Variants in PIWIL2 observed in about 807,000 individuals in gnomAD.
PIWIL2 encodes the protein piwi-like protein 2.
Under a neutral mutation model 116.5 loss-of-function variants are expected in PIWIL2, and 81 were observed. That is an observed-to-expected ratio of 0.70 (90% CI 0.58 to 0.84). The LOEUF is 0.84. PIWIL2 is among the 40% of genes least tolerant of loss of function. The pLI is 0.00. For synonymous variants in PIWIL2, 489 were observed against 429.5 expected, an observed-to-expected ratio of 1.14 and a Z score of -1.71; for missense variants, 1,272 against 1,212.3, an observed-to-expected ratio of 1.05 and a Z score of -0.73.
In PIWIL2 at chr8:22,355,563, A is replaced by C; in HGVS notation, c.*58A>C. On this transcript the variant is annotated 3_prime_UTR_variant, in exon 23 of 23. Coordinates refer to ENST00000356766, the MANE Select transcript of PIWIL2 (RefSeq NM_018068.5). ...AAGGCGGCCTCAGAACTCAGCTGTG[A>C]CTCTTGCAGAATCAACAGAGACTGA... 4.0e-6 allele frequency: 6 copies of C among 1,504,144 alleles called. No homozygotes were observed. Among genetic ancestry groups the C allele is most frequent in the Non-Finnish European group, 4.6e-6 (5 of 1,092,690 alleles). The allele number at this position is 1,504,144 out of a possible 1,614,324, so 93.2% of individuals were successfully genotyped here.
At chr8:22,316,443 C>A in intron 19 of PIWIL2, 110 bp downstream of exon 19, 1 of 713,190 alleles carries the variant, frequency 1.4e-6, no homozygotes, top group Non-Finnish European at 2.4e-6. Context: ...ATAAAGATTT[C>A]TAAACATTTT....
At position 22,351,159 on chromosome 8, in the gene PIWIL2, A is replaced by T. The variant is rs565207346; in HGVS notation, c.2404-1800A>T. On this transcript the variant is annotated intron_variant, in intron 20 of 22. Transcript: ENST00000356766. Reference sequence around the variant, plus strand: ...GAGCGAGACTCTGTTTCAAAAAAAAATAATTAATTAATTAACTGGCGTAGT... The same window carrying T: ...GAGCGAGACTCTGTTTCAAAAAAAATTAATTAATTAATTAACTGGCGTAGT... Among the ~76,000 whole-genome samples, 22 of 151,634 alleles carry T rather than the reference A, an allele frequency of 1.5e-4. No homozygotes were observed. The South Asian group carries it at 2.9e-3, about 20-fold the overall frequency.
In PIWIL2 at chr8:22,279,368, T is replaced by A. The variant is rs1390581439; in HGVS notation, c.-19T>A. On this transcript the variant is annotated 5_prime_UTR_variant, in exon 2 of 23. Transcript: ENST00000356766. ...AATTAACCAGAACAGGATCGACACG[T>A]GTTCTCTACAGCCCGTCCATGGATC... is the stretch of plus-strand genomic sequence containing the variant. 8.1e-6 allele frequency: 13 copies of A among 1,602,796 alleles called. No homozygotes were observed. The highest frequency in any genetic ancestry group is 1.7e-4 in the Middle Eastern group (1 of 6,030).
At chr8:22,323,945 C>T (rs550108632) in intron 20 of PIWIL2, among the ~76,000 whole-genome samples, 15 of 152,310 alleles carry the variant, frequency 9.8e-5, no homozygotes, top group African/African-American at 3.6e-4. Flanking sequence ...TTGCTCTAAG[C>T]CTCTCCCAAG....
intron 20 of PIWIL2, 169 bp from the exon 21 acceptor site, chr8:22,352,790 G>C: frequency 1.6e-6 from 1 of 618,342 alleles, no homozygotes; most frequent in Non-Finnish European, 2.7e-6. Context: ...AGGAAGTCTA[G>C]AAATGATTAG....
intron 20 of PIWIL2, among the ~76,000 whole-genome samples, chr8:22,345,827 T>C (rs1832214462): frequency 6.6e-6 from 1 of 152,164 alleles, no homozygotes; most frequent in African/African-American, 2.4e-5. Flanking sequence ...TTATGTTTAG[T>C]GAAATTTATT....
intron 20 of PIWIL2, among the ~76,000 whole-genome samples, chr8:22,343,923 A>G (rs1339545705): frequency 1.3e-5 from 2 of 152,216 alleles, no homozygotes; most frequent in Non-Finnish European, 2.9e-5. Context: ...ACGCCCACAC[A>G]AAAACTTGCA....
In PIWIL2 at chr8:22,288,661, C is replaced by T. The variant is rs1830687251; in HGVS notation, c.981C>T (p.Phe327=). 6.2e-7 allele frequency: 1 copy of T among 1,607,466 alleles called. No individual in the cohort carries two copies. The highest frequency in any genetic ancestry group is 1.7e-5 in the Admixed American group (1 of 58,326). The change falls in exon 8 of 23, where the codon TTC becomes TTT. Residue 327 remains phenylalanine, a synonymous_variant. Transcript: ENST00000356766. ...DLCIPFYNVV[F]RRVMKLLDMK... Reference sequence around the variant, plus strand: ...GCATTCCCTTCTACAATGTTGTTTTCCGTCGGTAAGAAAACAGCTGAAGTT... The same window carrying T: ...GCATTCCCTTCTACAATGTTGTTTTTCGTCGGTAAGAAAACAGCTGAAGTT...
Position 22,287,520 on chromosome 8 carries a change from T to G in PIWIL2, c.744-8T>G. On this transcript the variant is annotated splice_polypyrimidine_tract_variant and splice_region_variant and intron_variant, in intron 6 of 22. Transcript: ENST00000356766. The stretch of plus-strand genomic sequence containing the variant: ...AGTTAAAGGAAAATCCTCTTCATTA[T>G]TTTCCAGCCCCAATGTGGAGTGCAA... 1 of 1,589,834 alleles carries G rather than the reference T, an allele frequency of 6.3e-7. No homozygotes were observed. Among genetic ancestry groups the G allele is most frequent in the Non-Finnish European group, 8.6e-7 (1 of 1,157,790 alleles).
At chr8:22,316,774 G>T (rs1831470144) in intron 19 of PIWIL2, among the ~76,000 whole-genome samples, 1 of 151,308 alleles carries the variant, frequency 6.6e-6, no homozygotes, top group Non-Finnish European at 1.5e-5. Flanking sequence ...GAGCCATCAT[G>T]CCCGGCTATG....
intron 18 of PIWIL2, among the ~76,000 whole-genome samples, chr8:22,315,926 T>C (rs922412284): frequency 2.0e-5 from 3 of 152,194 alleles, no homozygotes; most frequent in Non-Finnish European, 2.9e-5. Flanking sequence ...AATCTGAAAC[T>C]CTTTGAGTGT....
chr8:22,283,115 G>T lies in PIWIL2; in HGVS notation c.507G>T (p.Lys169Asn), dbSNP rs1423324959. 1 of 1,614,124 alleles carries T rather than the reference G, an allele frequency of 6.2e-7. No homozygotes were observed. The highest frequency in any genetic ancestry group is 1.7e-5 in the Admixed American group (1 of 60,008). Residue 169 changes from lysine (K) to asparagine (N), a missense_variant, in exon 5 of 23, where the codon AAG (lysine) becomes AAT (asparagine). Physicochemically the swap from Lys to Asn is moderately conservative, Grantham distance 94. Coordinates refer to ENST00000356766, the MANE Select transcript of PIWIL2 (RefSeq NM_018068.5). Reference sequence around the variant, plus strand: ...GTGGTATCAGCAGAGAAGTGGACAAGCCTCCCTGTACCTTCAGCACACCGT... The same window carrying T: ...GTGGTATCAGCAGAGAAGTGGACAATCCTCCCTGTACCTTCAGCACACCGT... ...AAGGISREVD[K>N]PPCTFSTPSR...
At chr8:22,338,838 G>A (rs1247977562) in intron 20 of PIWIL2, among the ~76,000 whole-genome samples, 2 of 151,948 alleles carry the variant, frequency 1.3e-5, no homozygotes, top group Non-Finnish European at 2.9e-5. Flanking sequence ...TTTTGCAGGA[G>A]TGGATAAGCA....
intron 10 of PIWIL2, among the ~76,000 whole-genome samples, chr8:22,292,975 T>C (rs911072460): frequency 1.3e-5 from 2 of 152,364 alleles, no homozygotes; most frequent in Non-Finnish European, 2.9e-5. Context: ...TCCAAGCCAA[T>C]AGCCTCCTGT....
At chr8:22,340,137 C>G (rs1335676070) in intron 20 of PIWIL2, among the ~76,000 whole-genome samples, 1 of 147,964 alleles carries the variant, frequency 6.8e-6, no homozygotes, top group African/African-American at 2.5e-5. Context: ...ACCGCAACCT[C>G]CGCCTCCCGG....
At chr8:22,351,026 A>G (rs1428960706) in intron 20 of PIWIL2, among the ~76,000 whole-genome samples, 1 of 151,986 alleles carries the variant, frequency 6.6e-6, no homozygotes. Flanking sequence ...CTGTAGTCCC[A>G]GCTAGTCCCA....
rs914186926 is a variant in PIWIL2, at chr8:22,349,425, A to G, written c.2404-3534A>G. Among the ~76,000 whole-genome samples the G allele has an allele frequency of 1.6e-4, 23 of 145,574 alleles. 1 individual carries two copies. The highest frequency in any genetic ancestry group is 5.8e-4 in the African/African-American group (23 of 39,712). ...GTACAATATATGTGTGTGTGTATATATATATATATATATATATATAAATTT... is the reference window on the plus strand; with the variant it reads ...GTACAATATATGTGTGTGTGTATATGTATATATATATATATATATAAATTT... On this transcript the variant is annotated intron_variant, in intron 20 of 22. Coordinates refer to ENST00000356766, the MANE Select transcript of PIWIL2 (RefSeq NM_018068.5).
chr8:22,322,290 G>A (rs1355323656), intron 20 of PIWIL2, among the ~76,000 whole-genome samples: 1 of 150,568 alleles, frequency 6.6e-6, no homozygotes, highest in African/African-American at 2.4e-5. Flanking sequence ...TTGCTCTGTT[G>A]CCTGGGCTGG....
Position 22,314,397 on chromosome 8 carries a change from C to T in PIWIL2, c.2059C>T (p.Leu687=). Reference sequence around the variant, plus strand: ...TGATCTCTATGGGGCCATCAAGAAGCTGTGCTGTGTGCAGTCCCCAGTGCC... The same window carrying T: ...TGATCTCTATGGGGCCATCAAGAAGTTGTGCTGTGTGCAGTCCCCAGTGCC... ...RDDLYGAIKK[L]CCVQSPVPSQ... Residue 687 remains leucine, a synonymous_variant, in exon 17 of 23, where the codon CTG becomes TTG. Transcript: ENST00000356766. 1 of 1,586,062 alleles carries T rather than the reference C, an allele frequency of 6.3e-7. No homozygotes were observed. The highest frequency in any genetic ancestry group is 1.2e-5 in the South Asian group (1 of 86,456).
Sources: allele counts gnomAD v4.1 joint callset (sites outside exome capture counted in the v4.1 genomes callset), GRCh38; gene constraint gnomAD v4.1.1; transcripts MANE v1.5; gene names NCBI Gene and HGNC (gene_info 2026-07-23, HGNC 2026-07-21).